The following CCDC125 variants were observed in gnomAD, a reference collection of about 807,000 sequenced individuals.
CCDC125 encodes the protein coiled-coil domain containing 125.
Under a neutral mutation model 57.4 loss-of-function variants are expected in CCDC125, and 43 were observed. The observed-to-expected ratio is 0.75, with a 90% CI of 0.59 to 0.97. The LOEUF is 0.97. Ranked by LOEUF, CCDC125 falls within the 50% of genes least tolerant of loss-of-function variation. The probability of loss-of-function intolerance (pLI) is 0.00; values close to 1 mark genes in which losing one functional copy is unlikely to be tolerated. For synonymous variants in CCDC125, 187 were observed against 195.2 expected, an observed-to-expected ratio of 0.96 and a Z score of 0.35; for missense variants, 563 against 595.7, an observed-to-expected ratio of 0.95 and a Z score of 0.57.
rs35078773 is a variant in CCDC125 at position 69,287,735 on chromosome 5, ATT to A, written c.1100-2270_1100-2269del. On this transcript the variant is annotated intron_variant, in intron 10 of 11. Coordinates refer to ENST00000396496, the MANE Select transcript of CCDC125 (RefSeq NM_176816.5). Reference sequence around the variant, plus strand: ...CAGGTATCTACCACCACACTTGGCTATTTTTTTTTTTTTAATAGAGACAGGGT... The same window carrying A: ...CAGGTATCTACCACCACACTTGGCTATTTTTTTTTTTAATAGAGACAGGGT... Among the ~76,000 whole-genome samples the A allele has an allele frequency of 3.8e-3, 549 of 144,138 alleles. 6 individuals are homozygous for A. Among genetic ancestry groups the A allele is most frequent in the African/African-American group, 0.013 (491 of 38,822 alleles). The allele number at this position is 144,138 out of a possible 152,430, so 94.6% of individuals were successfully genotyped here.
downstream of CCDC125, among the ~76,000 whole-genome samples, chr5:69,275,906 C>T (rs78321125): frequency 3.6e-3 from 550 of 152,234 alleles, 3 homozygotes; most frequent in African/African-American, 6.6e-3. Flanking sequence ...CCCCAAGGTA[C>T]GTCATGTATA....
In CCDC125 at chr5:69,320,328, T is replaced by G; in HGVS notation, c.213A>C (p.Glu71Asp). ...TATGCTTGGAATACTGAAAACTCGC[T>G]TCATTTCTTTCTTCTCCCTTTCTCG... ...PFPRKGEERN[E>D]ASFQYSKHKS... is the part of the protein sequence containing the mutation. Residue 71 changes from glutamate (E) to aspartate (D), a missense_variant, in exon 2 of 12, where the codon GAA (glutamate) becomes GAC (aspartate). Coordinates refer to ENST00000396496, the MANE Select transcript of CCDC125 (RefSeq NM_176816.5). 6.2e-7 allele frequency: 1 copy of G among 1,614,080 alleles called. No homozygotes were observed. The highest frequency in any genetic ancestry group is 8.5e-7 in the Non-Finnish European group (1 of 1,179,990).
intron 10 of CCDC125, among the ~76,000 whole-genome samples, chr5:69,286,978 GC>G (rs1474226881): frequency 7.3e-6 from 1 of 136,080 alleles, no homozygotes; most frequent in Non-Finnish European, 1.5e-5. Flanking sequence ...GATTGCTTAA[GC>G]CCAGGAGTTT....
chr5:69,290,394 C>G (rs1197608527), intron 10 of CCDC125, among the ~76,000 whole-genome samples: 2 of 151,260 alleles, frequency 1.3e-5, no homozygotes, highest in Non-Finnish European at 2.9e-5. Flanking sequence ...CCTCTGCCTT[C>G]CAGGTTCAAG....
intron 10 of CCDC125, among the ~76,000 whole-genome samples, chr5:69,287,949 G>A (rs1439057259): frequency 6.6e-6 from 1 of 152,096 alleles, no homozygotes; most frequent in Non-Finnish European, 1.5e-5. Context: ...ATACCCCTCT[G>A]AATTGCATTT....
chr5:69,290,629 C>CTTTTTTTTTTTTTTTTTTTTT (rs373663120), intron 10 of CCDC125, among the ~76,000 whole-genome samples: 6 of 117,778 alleles, frequency 5.1e-5, no homozygotes, highest in African/African-American at 9.9e-5. Flanking sequence ...TCTTTTTTTT[C>CTTTTTTTTTTTTTTTTTTTTT]TTTTTTTTTT....
At chr5:69,287,442 T>C (rs1753699040) in intron 10 of CCDC125, among the ~76,000 whole-genome samples, 2 of 151,998 alleles carry the variant, frequency 1.3e-5, no homozygotes, top group Admixed American at 1.3e-4. Flanking sequence ...TTTGTATTTT[T>C]AGTAGAGACA....
Position 69,303,882 on chromosome 5 carries a change from G to C in CCDC125, c.665C>G (p.Thr222Arg), listed in dbSNP as rs1756910342. ...AGACTTCAGCATTTTAATTTCTTCTGTTTTCACTTTCAAATTCTCTTTGAG... is the reference window on the plus strand; with the variant it reads ...AGACTTCAGCATTTTAATTTCTTCTCTTTTCACTTTCAAATTCTCTTTGAG... The part of the protein sequence containing the change: ...AVLKENLKVK[T>R]EEIKMLKSDN... Residue 222 changes from threonine to arginine, a missense_variant, in exon 7 of 12, where the codon ACA becomes AGA. Coordinates refer to ENST00000396496, the MANE Select transcript of CCDC125 (RefSeq NM_176816.5). 2 of 1,607,404 alleles carry C rather than the reference G, an allele frequency of 1.2e-6. No homozygotes were observed. Among genetic ancestry groups the C allele is most frequent in the East Asian group, 4.5e-5 (2 of 44,580 alleles).
At chr5:69,286,234 A>ATATATATATATATAT (rs1554071341) in intron 10 of CCDC125, among the ~76,000 whole-genome samples, 3 of 48,410 alleles carry the variant, frequency 6.2e-5, no homozygotes, top group African/African-American at 8.7e-5. Context: ...ATATATATAT[A>ATATATATATATATAT]ATTTTTTTTT....
chr5:69,326,965 G>C (rs1760806314), intron 1 of CCDC125, among the ~76,000 whole-genome samples: 1 of 152,122 alleles, frequency 6.6e-6, no homozygotes, highest in African/African-American at 2.4e-5. Flanking sequence ...CCTGAGGTGG[G>C]AAGTCAAGGC....
chr5:69,320,605 A>G, intron 1 of CCDC125, 25 bp from the exon 2 acceptor site: 1 of 1,090,034 alleles, frequency 9.2e-7, no homozygotes, highest in South Asian at 1.4e-5. Flanking sequence ...AACAGTAGTT[A>G]GGAAAACATC....
intron 1 of CCDC125, among the ~76,000 whole-genome samples, chr5:69,325,325 C>CAAA (rs10689123): frequency 0.13 from 13,699 of 107,586 alleles, 1,503 homozygotes; most frequent in African/African-American, 0.32. Context: ...GATTCTGTCT[C>CAAA]AAAAAAAAAA....
At chr5:69,285,800 T>G (rs578163317) in intron 10 of CCDC125, among the ~76,000 whole-genome samples, 31 of 152,292 alleles carry the variant, frequency 2.0e-4, no homozygotes, top group Admixed American at 7.2e-4. Flanking sequence ...CAGCCACTAG[T>G]CTTATTGTTT....
At chr5:69,325,123 A>C (rs1344722807) in intron 1 of CCDC125, among the ~76,000 whole-genome samples, 1 of 152,024 alleles carries the variant, frequency 6.6e-6, no homozygotes, top group Admixed American at 6.6e-5. Context: ...CAGGAATTCA[A>C]GACCTGCCTG....
intron 4 of CCDC125, 54 bp downstream of exon 4, chr5:69,311,064 C>T (rs989464721): frequency 3.0e-5 from 37 of 1,229,164 alleles, no homozygotes; most frequent in Non-Finnish European, 4.1e-5. Flanking sequence ...TAAAACCATA[C>T]CAACATTATT....
chr5:69,290,430 G>A (rs956397254), intron 10 of CCDC125, among the ~76,000 whole-genome samples: 1 of 150,876 alleles, frequency 6.6e-6, no homozygotes, highest in Non-Finnish European at 1.5e-5. Context: ...AGCTTCCCGA[G>A]TAGCTGGGAT....
chr5:69,285,201 C>G, intron 11 of CCDC125, 136 bp downstream of exon 11: 1 of 644,726 alleles, frequency 1.6e-6, no homozygotes, highest in Non-Finnish European at 2.5e-6. Context: ...AAAAAGATCT[C>G]ATAATGTTTT....
At chr5:69,276,518 C>G (rs1178006863), downstream of CCDC125, 2 of 1,608,872 alleles carry the variant, frequency 1.2e-6, no homozygotes, top group African/African-American at 1.3e-5. Context: ...ACCTACCTTA[C>G]TTTTGGTATC....
downstream of CCDC125, among the ~76,000 whole-genome samples, chr5:69,279,595 C>G (rs1752371845): frequency 6.6e-6 from 1 of 152,144 alleles, no homozygotes; most frequent in Non-Finnish European, 1.5e-5. Flanking sequence ...AAGGAAACTT[C>G]CATGCCTTTG....
Sources: allele counts gnomAD v4.1 joint callset (sites outside exome capture counted in the v4.1 genomes callset), GRCh38; gene constraint gnomAD v4.1.1; transcripts MANE v1.5; gene names NCBI Gene and HGNC (gene_info 2026-07-23, HGNC 2026-07-21).